EPHA6: variants seen among roughly 807,000 people sequenced by gnomAD.
EPHA6 encodes EPH receptor A6, also known as ephrin type-A receptor 6.
A neutral mutation model predicts 112.0 loss-of-function variants in EPHA6; 50 were observed. That is an observed-to-expected ratio of 0.45 (90% CI 0.36 to 0.56). EPHA6 has a LOEUF of 0.56. Among genes scored for constraint, EPHA6 ranks in the 20% least tolerant of loss-of-function variants. The pLI, the probability that EPHA6 is intolerant of heterozygous loss-of-function variation, is 0.00. For missense variants in EPHA6, 1,280 were observed against 1,417.4 expected, an observed-to-expected ratio of 0.90 and a Z score of 1.56; for synonymous variants, 529 against 490.7, an observed-to-expected ratio of 1.08 and a Z score of -1.03.
chr3:97,748,517 A>C, intron 17 of EPHA6, 70 bp from the exon 18 acceptor site: 5 of 718,800 alleles, frequency 7.0e-6, no homozygotes, highest in Non-Finnish European at 1.3e-5. Context: ...CATATTCTGT[A>C]TCTCTCTCTC....
chr3:97,036,482 T>C (rs1341285304), intron 3 of EPHA6, among the ~76,000 whole-genome samples: 1 of 151,988 alleles, frequency 6.6e-6, no homozygotes, highest in Non-Finnish European at 1.5e-5. Flanking sequence ...TTTTTTGCAT[T>C]TTAATCTTTC....
intron 3 of EPHA6, among the ~76,000 whole-genome samples, chr3:97,194,755 G>T (rs1046247428): frequency 3.3e-5 from 5 of 151,880 alleles, no homozygotes; most frequent in African/African-American, 1.2e-4. Context: ...CCAGTGTTGG[G>T]TTCGTATATA....
At chr3:97,731,500 G>C (rs1289251456) in intron 15 of EPHA6, among the ~76,000 whole-genome samples, 2 of 152,002 alleles carry the variant, frequency 1.3e-5, no homozygotes, top group Non-Finnish European at 2.9e-5. Context: ...AATGCGTCAA[G>C]ATGTGGTGCA....
Position 97,760,289 on chromosome 3 carries a change from A to C in EPHA6, c.*11588A>C, listed in dbSNP as rs1369566393. On this transcript the variant is annotated 3_prime_UTR_variant, in exon 18 of 18. Coordinates refer to ENST00000389672, the MANE Select transcript of EPHA6 (RefSeq NM_001080448.3). ...TGTTCATTGTGCCCCTCTATCCTATAGGAAGAATGTGATCTTTTAATTGTG... is the reference window on the plus strand; with the variant it reads ...TGTTCATTGTGCCCCTCTATCCTATCGGAAGAATGTGATCTTTTAATTGTG... The C allele has an allele frequency of 5.8e-6, 1 of 173,754 alleles. No homozygotes were observed. The allele number at this position is 173,754 out of a possible 1,614,324, so 10.8% of individuals were successfully genotyped here.
intron 5 of EPHA6, among the ~76,000 whole-genome samples, chr3:97,302,218 C>T (rs532698407): frequency 8.5e-5 from 13 of 152,072 alleles, no homozygotes; most frequent in African/African-American, 3.1e-4. Context: ...TTCTCAATTG[C>T]ATATACAATT....
At chr3:97,574,734 T>C (rs2093366720) in intron 11 of EPHA6, among the ~76,000 whole-genome samples, 1 of 152,124 alleles carries the variant, frequency 6.6e-6, no homozygotes, top group African/African-American at 2.4e-5. Flanking sequence ...CAGCTAATTT[T>C]CTTAAAACAA....
chr3:97,187,415 C>A (rs1317984980), intron 3 of EPHA6, among the ~76,000 whole-genome samples: 1 of 151,310 alleles, frequency 6.6e-6, no homozygotes, highest in East Asian at 2.0e-4. Flanking sequence ...ACTAAAAATA[C>A]AAAAATTAGC....
chr3:97,254,445 C>T (rs1382244446), intron 5 of EPHA6, among the ~76,000 whole-genome samples: 6 of 152,164 alleles, frequency 3.9e-5, no homozygotes, highest in Non-Finnish European at 7.3e-5. Flanking sequence ...GCCTTGGCCT[C>T]CCAAAGTGCT....
chr3:97,706,927 A>C (rs2033709450), intron 14 of EPHA6, among the ~76,000 whole-genome samples: 1 of 152,060 alleles, frequency 6.6e-6, no homozygotes, highest in South Asian at 2.1e-4. Flanking sequence ...GACAAGAAGC[A>C]TGTCTTCCTT....
At chr3:97,106,042 T>C (rs2047557612) in intron 3 of EPHA6, among the ~76,000 whole-genome samples, 1 of 152,110 alleles carries the variant, frequency 6.6e-6, no homozygotes, top group Non-Finnish European at 1.5e-5. Flanking sequence ...CTAAGGGTGT[T>C]ATTGCATTTG....
At chr3:97,258,398 C>T (rs776713374) in intron 5 of EPHA6, among the ~76,000 whole-genome samples, 1 of 151,906 alleles carries the variant, frequency 6.6e-6, no homozygotes, top group Non-Finnish European at 1.5e-5. Flanking sequence ...CTCAGGACAT[C>T]AACAATAAGC....
At position 97,722,559 on chromosome 3, in the gene EPHA6, T is replaced by C. The variant is rs183485911; in HGVS notation, c.2934+2149T>C. On this transcript the variant is annotated intron_variant, in intron 15 of 17. Coordinates refer to ENST00000389672, the MANE Select transcript of EPHA6 (RefSeq NM_001080448.3). Reference sequence around the variant, plus strand: ...TCATGGTGGTTTTGTTTACAGTCCATGTAGCTCCTCACGTAGGGCCAGTGG... The same window carrying C: ...TCATGGTGGTTTTGTTTACAGTCCACGTAGCTCCTCACGTAGGGCCAGTGG... 2.0e-4 allele frequency among the ~76,000 whole-genome samples: 30 copies of C among 152,292 alleles called. No individual in the cohort carries two copies. In the East Asian group the frequency reaches 5.8e-3, roughly 29 times the overall value.
intron 3 of EPHA6, among the ~76,000 whole-genome samples, chr3:97,056,336 C>A (rs1277572536): frequency 1.3e-5 from 2 of 152,174 alleles, no homozygotes; most frequent in African/African-American, 4.8e-5. Flanking sequence ...TATATGCTCA[C>A]CCTAAATTTG....
At chr3:97,707,441 G>C (rs972725942) in intron 14 of EPHA6, among the ~76,000 whole-genome samples, 2 of 152,154 alleles carry the variant, frequency 1.3e-5, no homozygotes, top group African/African-American at 4.8e-5. Flanking sequence ...AAGTGTTATA[G>C]GCAGGCATAA....
At chr3:97,033,408 C>T (rs189054805) in intron 3 of EPHA6, among the ~76,000 whole-genome samples, 70 of 151,928 alleles carry the variant, frequency 4.6e-4, no homozygotes, top group African/African-American at 1.4e-3. Flanking sequence ...TCGGTCAGCA[C>T]GAGTAAAGAA....
At position 97,221,797 on chromosome 3, in the gene EPHA6, C is replaced by T. The variant is rs993150645; in HGVS notation, c.1115-4467C>T. Among the ~76,000 whole-genome samples the T allele has an allele frequency of 1.3e-4, 20 of 152,032 alleles. No homozygotes were observed. The East Asian group carries it at 1.9e-3, about 15-fold the overall frequency. ...CTGTAATCCCAGCACTTTGGGAGGC[C>T]GACGCAGGTGGATCACTTGAGGTCA... On this transcript the variant is annotated intron_variant, in intron 3 of 17. Transcript: ENST00000389672.
chr3:96,935,062 C>T (rs544277877), intron 2 of EPHA6, among the ~76,000 whole-genome samples: 1 of 151,762 alleles, frequency 6.6e-6, no homozygotes, highest in East Asian at 1.9e-4. Flanking sequence ...TTTAAATGAT[C>T]CAGTAACACT....
chr3:97,326,930 T>C (rs2108803595), intron 5 of EPHA6, among the ~76,000 whole-genome samples: 1 of 152,202 alleles, frequency 6.6e-6, no homozygotes, highest in South Asian at 2.1e-4. Flanking sequence ...AGCAAAACTT[T>C]ATGAATTCCA....
At chr3:97,371,492 C>T (rs1441831406) in intron 5 of EPHA6, among the ~76,000 whole-genome samples, 3 of 152,258 alleles carry the variant, frequency 2.0e-5, no homozygotes, top group Admixed American at 1.3e-4. Context: ...TTGTGATTTC[C>T]TATGCCTGCT....
Sources: allele counts gnomAD v4.1 joint callset (sites outside exome capture counted in the v4.1 genomes callset), GRCh38; gene constraint gnomAD v4.1.1; transcripts MANE v1.5; gene names NCBI Gene and HGNC (gene_info 2026-07-23, HGNC 2026-07-21).